Variants in IFIH1 observed in about 807,000 individuals in gnomAD.
IFIH1 encodes the protein interferon-induced helicase C domain-containing protein 1.
IFIH1 carries 125 observed loss-of-function variants against 107.4 expected under a neutral mutation model. The ratio of observed to expected loss-of-function variants is 1.16; its 90% confidence interval spans 1.01 to 1.35. The LOEUF (loss-of-function observed/expected upper bound fraction) is 1.35, where lower values mean the gene tolerates loss of function less well. Ranked by LOEUF, IFIH1 falls within the 40% of genes most tolerant of loss-of-function variation. The probability of loss-of-function intolerance (pLI) is 0.00; values close to 1 mark genes in which losing one functional copy is unlikely to be tolerated. For synonymous variants in IFIH1, 458 were observed against 413.2 expected, an observed-to-expected ratio of 1.11 and a Z score of -1.31; for missense variants, 1,333 against 1,213.7, an observed-to-expected ratio of 1.10 and a Z score of -1.46.
chr2:162,293,490 A>C (rs1261700475), intron 4 of IFIH1, 74 bp downstream of exon 4: 1 of 865,074 alleles, frequency 1.2e-6, no homozygotes, highest in Non-Finnish European at 1.9e-6. Flanking sequence ...GGAGGGTATG[A>C]ACAGCCCCCA....
chr2:162,281,634 G>A (rs972093439), intron 6 of IFIH1, 89 bp from the exon 7 acceptor site: 10 of 923,682 alleles, frequency 1.1e-5, no homozygotes, highest in Admixed American at 7.1e-5. Context: ...GCTGCCTTGG[G>A]GATGCCTTCT....
chr2:162,302,443 C>A (rs191022357), intron 3 of IFIH1, among the ~76,000 whole-genome samples: 1 of 152,122 alleles, frequency 6.6e-6, no homozygotes, highest in East Asian at 1.9e-4. Flanking sequence ...ATCTTGGCAA[C>A]TATTTGAAAC....
chr2:162,294,712 G>C (rs1295782485), intron 3 of IFIH1, among the ~76,000 whole-genome samples: 2 of 151,690 alleles, frequency 1.3e-5, no homozygotes, highest in Non-Finnish European at 2.9e-5. Flanking sequence ...TATATTCTTA[G>C]GATAGGAGTT....
chr2:162,285,582 A>C (rs1396602643), intron 5 of IFIH1, among the ~76,000 whole-genome samples: 1 of 152,028 alleles, frequency 6.6e-6, no homozygotes, highest in Non-Finnish European at 1.5e-5. Context: ...GAGAAAAACA[A>C]TAGAAAAGCA....
chr2:162,282,626 A>T (rs1682832094), intron 5 of IFIH1, 50 bp from the exon 6 acceptor site: 2 of 1,275,566 alleles, frequency 1.6e-6, no homozygotes, highest in East Asian at 2.5e-5. Context: ...AGTCGAAGCC[A>T]AAAGAGTGTT....
Position 162,267,182 on chromosome 2 carries a change from A to AAT in IFIH1, c.*17_*18insAT. On this transcript the variant is annotated 3_prime_UTR_variant, in exon 16 of 16. Transcript: ENST00000649979. ...AATGTTTAACTGATAGTATTTTAAA[A>AAT]GAATCTTCAATCAAGTGCTAATCCT... is the stretch of plus-strand genomic sequence containing the variant. 1.3e-6 allele frequency: 2 copies of AAT among 1,524,196 alleles called. No homozygotes were observed. Among genetic ancestry groups the AAT allele is most frequent in the Non-Finnish European group, 1.8e-6 (2 of 1,128,218 alleles). The allele number at this position is 1,524,196 out of a possible 1,614,324, so 94.4% of individuals were successfully genotyped here.
chr2:162,317,740 A>T (rs923235842), intron 1 of IFIH1, 115 bp downstream of exon 1: 1 of 794,652 alleles, frequency 1.3e-6, no homozygotes. Flanking sequence ...TTCTCAAAGG[A>T]AGAAACTAGA....
intron 11 of IFIH1, among the ~76,000 whole-genome samples, chr2:162,274,539 C>T (rs75023738): frequency 1.4e-3 from 206 of 151,944 alleles, no homozygotes; most frequent in African/African-American, 4.5e-3. Context: ...CCTTGTGCCT[C>T]ATTAATTTTG....
chr2:162,273,131 T>TA (rs1200372052), intron 12 of IFIH1, among the ~76,000 whole-genome samples: 1 of 152,192 alleles, frequency 6.6e-6, no homozygotes, highest in Non-Finnish European at 1.5e-5. Context: ...TTAAGTTATT[T>TA]AAAAATCCCT....
intron 1 of IFIH1, among the ~76,000 whole-genome samples, chr2:162,312,715 T>C (rs1683402483): frequency 6.6e-6 from 1 of 152,196 alleles, no homozygotes; most frequent in African/African-American, 2.4e-5. Flanking sequence ...TGGAAATTCT[T>C]TGGCTTCCCT....
intron 2 of IFIH1, among the ~76,000 whole-genome samples, chr2:162,307,491 T>C (rs1683306295): frequency 6.6e-6 from 1 of 152,240 alleles, no homozygotes; most frequent in Non-Finnish European, 1.5e-5. Flanking sequence ...TAATGAAATA[T>C]TTTGTGCCCC....
chr2:162,304,785 A>G (rs908914845), intron 3 of IFIH1, among the ~76,000 whole-genome samples: 2 of 152,220 alleles, frequency 1.3e-5, no homozygotes, highest in Non-Finnish European at 1.5e-5. Context: ...GAACATGATA[A>G]TATTATTCAT....
chr2:162,308,261 T>C (rs1683324229), intron 2 of IFIH1, among the ~76,000 whole-genome samples: 1 of 152,208 alleles, frequency 6.6e-6, no homozygotes, highest in African/African-American at 2.4e-5. Context: ...ACGTTCTCCC[T>C]GCGTCCTCAC....
chr2:162,277,862 T>A (rs1682729466), intron 9 of IFIH1, among the ~76,000 whole-genome samples, 169 bp from the exon 10 acceptor site: 2 of 152,146 alleles, frequency 1.3e-5, no homozygotes, highest in Admixed American at 1.3e-4. Flanking sequence ...GGGCAAGTTT[T>A]CCAACTCCTA....
At chr2:162,309,204 A>G (rs554215743) in intron 2 of IFIH1, among the ~76,000 whole-genome samples, 78 of 152,282 alleles carry the variant, frequency 5.1e-4, no homozygotes, top group African/African-American at 1.9e-3. Flanking sequence ...TTCCAGGTCC[A>G]CGGAATGGCA....
chr2:162,315,831 T>C (rs1242600229), intron 1 of IFIH1, among the ~76,000 whole-genome samples: 1 of 152,208 alleles, frequency 6.6e-6, no homozygotes, highest in Non-Finnish European at 1.5e-5. Flanking sequence ...TATCTTAGTT[T>C]TGGAACTGAT....
intron 2 of IFIH1, among the ~76,000 whole-genome samples, chr2:162,307,949 T>G (rs1200106507): frequency 1.3e-5 from 2 of 152,174 alleles, no homozygotes; most frequent in Non-Finnish European, 2.9e-5. Context: ...ATAAGTAATA[T>G]TATTATCTCC....
intron 8 of IFIH1, 114 bp downstream of exon 8, chr2:162,279,882 T>C (rs1682775047): frequency 1.4e-6 from 1 of 699,870 alleles, no homozygotes; most frequent in Non-Finnish European, 2.5e-6. Flanking sequence ...CTGAAACTTG[T>C]TTGCTAAAAT....
intron 6 of IFIH1, 44 bp downstream of exon 6, chr2:162,282,322 A>T (rs1199387092): frequency 8.1e-7 from 1 of 1,238,474 alleles, no homozygotes; most frequent in Non-Finnish European, 1.1e-6. Context: ...GTTATCATCA[A>T]TATTACTATT....
Sources: allele counts gnomAD v4.1 joint callset (sites outside exome capture counted in the v4.1 genomes callset), GRCh38; gene constraint gnomAD v4.1.1; transcripts MANE v1.5; gene names NCBI Gene and HGNC (gene_info 2026-07-23, HGNC 2026-07-21).